Variants in MALRD1 observed in about 807,000 individuals in gnomAD.
MALRD1 encodes MAM and LDL-receptor class A domain-containing protein 1.
A neutral mutation model predicts 242.1 loss-of-function variants in MALRD1; 247 were observed. The observed-to-expected ratio is 1.02, with a 90% CI of 0.92 to 1.13. MALRD1 has a LOEUF of 1.13. MALRD1 is among the 50% of genes most tolerant of loss of function. The probability of loss-of-function intolerance (pLI) is 0.00; values close to 1 mark genes in which losing one functional copy is unlikely to be tolerated. For synonymous variants in MALRD1, 995 were observed against 866.6 expected (o/e 1.15, Z -2.60); for missense variants, 2,989 against 2,533.1 (o/e 1.18, Z -3.86).
intron 33 of MALRD1, among the ~76,000 whole-genome samples, chr10:19,571,281 G>C (rs1836527748): frequency 1.3e-5 from 2 of 152,004 alleles, no homozygotes; most frequent in South Asian, 2.1e-4. Flanking sequence ...GAGTAATCTA[G>C]AATTAGTTTT....
At chr10:19,405,213 T>C (rs1159554318) in intron 28 of MALRD1, among the ~76,000 whole-genome samples, 1 of 152,206 alleles carries the variant, frequency 6.6e-6, no homozygotes, top group Non-Finnish European at 1.5e-5. Context: ...AAGTTAGAAC[T>C]ACTGGTAGAA....
intron 35 of MALRD1, among the ~76,000 whole-genome samples, chr10:19,614,417 TGTTAGA>T (rs1315756577): frequency 9.9e-5 from 15 of 152,094 alleles, no homozygotes; most frequent in Admixed American, 2.0e-4. Context: ...TTTAATCAAG[TGTTAGA>T]GTTAAAGTAA....
intron 36 of MALRD1, among the ~76,000 whole-genome samples, chr10:19,691,275 A>T (rs943187617): frequency 2.6e-5 from 4 of 152,156 alleles, no homozygotes; most frequent in Non-Finnish European, 5.9e-5. Context: ...AAAGAAAGGC[A>T]TTCTGATAGG....
Position 19,199,813 on chromosome 10 carries a change from T to TAAATAAAATAAAATAAAATAAACAAAATA in MALRD1, c.1952-3893_1952-3892insCAAAATAAAATAAAATAAAATAAAATAAA, listed in dbSNP as rs1836441903. 3.8e-4 allele frequency among the ~76,000 whole-genome samples: 56 copies of TAAATAAAATAAAATAAAATAAACAAAATA among 148,668 alleles called. 1 individual carries two copies. In the South Asian group the frequency reaches 0.01, roughly 27 times the overall value. On this transcript the variant is annotated intron_variant, in intron 14 of 39. Coordinates refer to ENST00000454679, the MANE Select transcript of MALRD1 (RefSeq NM_001142308.3). ...AAGACTCTGTCTCCAAATAAATAAA[T>TAAATAAAATAAAATAAAATAAACAAAATA]AAATAAAATAAAATAAAATAAAATA... is the stretch of plus-strand genomic sequence containing the variant.
intron 5 of MALRD1, among the ~76,000 whole-genome samples, chr10:19,118,623 GT>G (rs1244874342): frequency 6.6e-6 from 1 of 152,134 alleles, no homozygotes; most frequent in Non-Finnish European, 1.5e-5. Flanking sequence ...GACTGTAGAT[GT>G]TTCTTATCAT....
At chr10:19,592,658 T>C (rs1442106822) in intron 33 of MALRD1, among the ~76,000 whole-genome samples, 1 of 152,054 alleles carries the variant, frequency 6.6e-6, no homozygotes, top group Non-Finnish European at 1.5e-5. Context: ...ATTTCTGCTT[T>C]TAATGCAATG....
intron 36 of MALRD1, among the ~76,000 whole-genome samples, chr10:19,648,845 A>C (rs926226661): frequency 2.6e-5 from 4 of 152,184 alleles, no homozygotes; most frequent in African/African-American, 9.7e-5. Flanking sequence ...TCACCCAGGT[A>C]TAAAGACCAG....
intron 21 of MALRD1, among the ~76,000 whole-genome samples, chr10:19,318,049 G>A (rs1842774700): frequency 6.6e-6 from 1 of 151,984 alleles, no homozygotes; most frequent in Admixed American, 6.6e-5. Flanking sequence ...TTTGAAGGTT[G>A]GTAGAGGGAT....
chr10:19,569,725 A>G (rs890595249), intron 33 of MALRD1, among the ~76,000 whole-genome samples: 1 of 147,132 alleles, frequency 6.8e-6, no homozygotes, highest in African/African-American at 2.5e-5. Flanking sequence ...AGTAACTTAT[A>G]TATTAACATG....
chr10:19,502,634 G>C (rs1390602630), intron 31 of MALRD1, among the ~76,000 whole-genome samples: 1 of 152,088 alleles, frequency 6.6e-6, no homozygotes, highest in Non-Finnish European at 1.5e-5. Flanking sequence ...GAGAAAATAT[G>C]AGAAACAAGC....
At chr10:19,659,706 TTTAA>T (rs1456245459) in intron 36 of MALRD1, among the ~76,000 whole-genome samples, 1 of 152,160 alleles carries the variant, frequency 6.6e-6, no homozygotes, top group Non-Finnish European at 1.5e-5. Flanking sequence ...AGATTGCATA[TTTAA>T]TTTTCTCATT....
intron 26 of MALRD1, among the ~76,000 whole-genome samples, chr10:19,384,440 T>G (rs1252213161): frequency 6.8e-5 from 8 of 117,452 alleles, no homozygotes; most frequent in South Asian, 4.5e-4. Context: ...ATATTATATA[T>G]TATATAGTAT....
rs528738718 is a variant in MALRD1, at chr10:19,613,427, A to G, written c.6071-2430A>G. On this transcript the variant is annotated intron_variant, in intron 35 of 39. Coordinates refer to ENST00000454679, the MANE Select transcript of MALRD1 (RefSeq NM_001142308.3). ...AGTGAAAGAAACCACCAACTAGCCA[A>G]TGACCCAGCCAGAAGTGTGGCCATT... Among the ~76,000 whole-genome samples the G allele has an allele frequency of 5.9e-5, 9 of 152,118 alleles. No individual in the cohort carries two copies. The South Asian group carries it at 1.2e-3, about 21-fold the overall frequency.
At chr10:19,051,921 C>CAAAAAAAAAAA (rs1178410946) in intron 1 of MALRD1, 1 of 62,466 alleles carries the variant, frequency 1.6e-5, no homozygotes, top group African/African-American at 8.1e-5. Flanking sequence ...GACTCCGTCT[C>CAAAAAAAAAAA]AAAAAAAAAA....
At chr10:19,224,326 A>AC (rs1837692411) in intron 18 of MALRD1, among the ~76,000 whole-genome samples, 1 of 140,142 alleles carries the variant, frequency 7.1e-6, no homozygotes, top group Admixed American at 7.9e-5. Flanking sequence ...TCACTCTGTC[A>AC]CCCAGGGTGG....
intron 38 of MALRD1, among the ~76,000 whole-genome samples, chr10:19,719,237 T>TACATACATACAG (rs1286755272): frequency 8.0e-6 from 1 of 124,924 alleles, no homozygotes; most frequent in African/African-American, 3.2e-5. Flanking sequence ...TATATATATA[T>TACATACATACAG]ATATATATAT....
At chr10:19,240,596 G>A (rs1564494869) in intron 18 of MALRD1, among the ~76,000 whole-genome samples, 1 of 151,908 alleles carries the variant, frequency 6.6e-6, no homozygotes, top group African/African-American at 2.4e-5. Context: ...CTGACCTCCA[G>A]TACTATGCTA....
chr10:19,314,711 T>C (rs1157216393), intron 21 of MALRD1, among the ~76,000 whole-genome samples: 1 of 151,558 alleles, frequency 6.6e-6, no homozygotes, highest in East Asian at 1.9e-4. Context: ...CTCTTTTAAG[T>C]AGTATCTATG....
intron 16 of MALRD1, among the ~76,000 whole-genome samples, chr10:19,204,625 T>TC (rs1256827032): frequency 6.6e-6 from 1 of 152,134 alleles, no homozygotes; most frequent in Non-Finnish European, 1.5e-5. Flanking sequence ...AGGGGCTCTT[T>TC]CCCCCCAACC....
Sources: allele counts gnomAD v4.1 joint callset (sites outside exome capture counted in the v4.1 genomes callset), GRCh38; gene constraint gnomAD v4.1.1; transcripts MANE v1.5; gene names NCBI Gene and HGNC (gene_info 2026-07-23, HGNC 2026-07-21).